Variants in PANK2 observed in about 807,000 individuals in gnomAD.
The protein encoded by PANK2 is pantothenate kinase 2.
A neutral mutation model predicts 43.1 loss-of-function variants in PANK2; 36 were observed. The observed-to-expected ratio is 0.84, with a 90% CI of 0.64 to 1.10. The LOEUF (loss-of-function observed/expected upper bound fraction) is 1.10. Ranked by LOEUF, PANK2 falls within the 50% of genes least tolerant of loss-of-function variation. The pLI, the probability that PANK2 is intolerant of heterozygous loss-of-function variation, is 0.00. For missense variants in PANK2, 576 were observed against 593.3 expected (o/e 0.97, Z 0.30); for synonymous variants, 281 against 238.2 (o/e 1.18, Z -1.66).
chr20:3,895,967 A>G (rs572812916), intron 1 of PANK2, among the ~76,000 whole-genome samples: 1 of 152,304 alleles, frequency 6.6e-6, no homozygotes, highest in South Asian at 2.1e-4. Context: ...AACAGCCTAG[A>G]CATGGATTTG....
At position 3,897,229 on chromosome 20, in the gene PANK2, T is replaced by G. The variant is rs187610632; in HGVS notation, c.298+7501T>G. Among the ~76,000 whole-genome samples the G allele has an allele frequency of 4.7e-3, 719 of 152,338 alleles. 7 individuals are homozygous for G. Among genetic ancestry groups the G allele is most frequent in the Admixed American group, 0.023 (352 of 15,288 alleles). On this transcript the variant is annotated intron_variant, in intron 1 of 6. Transcript: ENST00000610179. ...GGATTTCAGTCGTTGAGACCTATTATGGGACCTTGTGCTTTGCATACGTTT... is the reference window on the plus strand; with the variant it reads ...GGATTTCAGTCGTTGAGACCTATTAGGGGACCTTGTGCTTTGCATACGTTT...
rs542750949 is a variant in PANK2 at position 3,910,494 on chromosome 20, C to T, written c.652-83C>T. On this transcript the variant is annotated intron_variant, in intron 2 of 6. Coordinates refer to ENST00000610179, the MANE Select transcript of PANK2 (RefSeq NM_001386393.1). ...TGAGTGCACTTTCATGGTTGTTTCA[C>T]GTAGTGGGGATGCCTTATTGAATGG... The T allele has an allele frequency of 1.3e-4, 187 of 1,463,958 alleles. 2 individuals are homozygous for T. The South Asian group carries it at 2.0e-3, about 16-fold the overall frequency. The allele number at this position is 1,463,958 out of a possible 1,614,324, so 90.7% of individuals were successfully genotyped here.
At chr20:3,902,795 AT>A (rs1448453465) in intron 1 of PANK2, among the ~76,000 whole-genome samples, 2 of 151,538 alleles carry the variant, frequency 1.3e-5, no homozygotes, top group African/African-American at 4.8e-5. Flanking sequence ...TAATCTTTTA[AT>A]TTTGTTTTCT....
rs2090765751 is a variant in PANK2, at chr20:3,928,673, G to C, written c.*5379G>C. 1 of 145,224 alleles carries C rather than the reference G, an allele frequency of 6.9e-6. No homozygotes were observed. Among genetic ancestry groups the C allele is most frequent in the Non-Finnish European group, 1.5e-5 (1 of 66,776 alleles). 9.0% of individuals were successfully genotyped at this position (145,224 alleles called of 1,614,324 possible). A position where few individuals can be genotyped will look rare whatever the true frequency, so the allele number is the denominator to read the frequency against. On this transcript the variant is annotated 3_prime_UTR_variant, in exon 7 of 7. Transcript: ENST00000610179. ...CGAGGCGGGAGAATGGCGTGAACCT[G>C]GGAGGCGGAGCTTGCAGTGGGCCAA...
upstream of PANK2, chr20:3,889,181 CT>C: frequency 6.2e-7 from 1 of 1,610,206 alleles, no homozygotes; most frequent in Non-Finnish European, 8.5e-7. Context: ...ACCGCCTTCT[CT>C]TCCTCCGCGG....
chr20:3,913,759 T>TGC (rs2090507335), intron 4 of PANK2, among the ~76,000 whole-genome samples: 1 of 130,352 alleles, frequency 7.7e-6, no homozygotes, highest in African/African-American at 2.7e-5. Flanking sequence ...TTTGTATGTA[T>TGC]GCACACACAC....
At chr20:3,889,000 C>T, upstream of PANK2, 2 of 952,632 alleles carry the variant, frequency 2.1e-6, no homozygotes, top group East Asian at 2.7e-5. Context: ...GCTGCGAGGA[C>T]GGCACGGAGC....
chr20:3,901,939 CTT>C (rs1285737256), intron 1 of PANK2, among the ~76,000 whole-genome samples: 2 of 151,906 alleles, frequency 1.3e-5, no homozygotes, highest in Non-Finnish European at 2.9e-5. Context: ...CTGATACTGA[CTT>C]TTATGTGATT....
At chr20:3,912,296 T>G (rs1203415171) in intron 3 of PANK2, among the ~76,000 whole-genome samples, 162 bp from the exon 4 acceptor site, 1 of 152,148 alleles carries the variant, frequency 6.6e-6, no homozygotes, top group Non-Finnish European at 1.5e-5. Context: ...ACCTTAAAGG[T>G]GTATATCAGG....
intron 3 of PANK2, 67 bp downstream of exon 3, chr20:3,910,897 A>C: frequency 1.9e-6 from 3 of 1,563,158 alleles, no homozygotes; most frequent in Non-Finnish European, 2.6e-6. Flanking sequence ...CAGGTATTAC[A>C]TGTAACTACA....
At chr20:3,913,264 A>G (rs1208783320) in intron 4 of PANK2, among the ~76,000 whole-genome samples, 3 of 152,108 alleles carry the variant, frequency 2.0e-5, no homozygotes, top group African/African-American at 7.2e-5. Context: ...ATCTTTTGTG[A>G]TTACTTCTTC....
chr20:3,923,121 G>T, intron 6 of PANK2, 123 bp from the exon 7 acceptor site: 2 of 1,143,126 alleles, frequency 1.7e-6, no homozygotes, highest in African/African-American at 1.5e-5. Context: ...CCCTTCTGGG[G>T]TGCTCAGGAA....
intron 2 of PANK2, 147 bp from the exon 3 acceptor site, chr20:3,910,430 A>G: frequency 3.3e-6 from 3 of 914,700 alleles, no homozygotes; most frequent in Non-Finnish European, 5.1e-6. Context: ...TTTGCTCCTA[A>G]ATCTGTTCTG....
chr20:3,903,006 CACACACACA>C (rs2090327435), intron 1 of PANK2, among the ~76,000 whole-genome samples: 2 of 140,882 alleles, frequency 1.4e-5, no homozygotes, highest in African/African-American at 2.5e-5. Flanking sequence ...CACACACACA[CACACACACA>C]CACCCCTTTT....
Position 3,927,447 on chromosome 20 carries a change from G to A in PANK2, c.*4153G>A, listed in dbSNP as rs2090739760. 2 of 152,226 alleles carry A rather than the reference G, an allele frequency of 1.3e-5. No individual in the cohort carries two copies. Among genetic ancestry groups the A allele is most frequent in the East Asian group, 1.9e-4 (1 of 5,190 alleles). The allele number at this position is 152,226 out of a possible 1,614,324, so 9.4% of individuals were successfully genotyped here. On this transcript the variant is annotated 3_prime_UTR_variant, in exon 7 of 7. Coordinates refer to ENST00000610179, the MANE Select transcript of PANK2 (RefSeq NM_001386393.1). ...AAAAATATAGCTTACAAAAAACTGC[G>A]AATGTTTAAAAATATTCTGCTGCAG...
At position 3,926,354 on chromosome 20, in the gene PANK2, G is replaced by GA. The variant is rs1384583110; in HGVS notation, c.*3061dup. On this transcript the variant is annotated 3_prime_UTR_variant, in exon 7 of 7. Coordinates refer to ENST00000610179, the MANE Select transcript of PANK2 (RefSeq NM_001386393.1). ...GCTGCAAAGAAAACGACTGCTCAGG[G>GA]AGAGGCTGGCCAGGGGCCTGTGGCT... 8 of 152,348 alleles carry GA rather than the reference G, an allele frequency of 5.3e-5. No homozygotes were observed. The highest frequency in any genetic ancestry group is 1.2e-4 in the Non-Finnish European group (8 of 68,176). 9.4% of individuals were successfully genotyped at this position (152,348 alleles called of 1,614,324 possible).
Position 3,918,763 on chromosome 20 carries a change from G to A in PANK2, c.1299G>A (p.Lys433=). 6.2e-7 allele frequency: 1 copy of A among 1,614,246 alleles called. No homozygotes were observed. ...CATATGCTTTGGATTATTGGTCCAA[G>A]GGGCAGTTGAAAGCACTTTTTTCGG... Residue 433 remains lysine, a synonymous_variant, in exon 6 of 7, where the codon AAG becomes AAA. Coordinates refer to ENST00000610179, the MANE Select transcript of PANK2 (RefSeq NM_001386393.1).
chr20:3,908,555 C>A, intron 2 of PANK2: 1 of 433,256 alleles, frequency 2.3e-6, no homozygotes, highest in South Asian at 2.7e-5. Context: ...GAAGAAACTA[C>A]CTAAAAGGAA....
chr20:3,889,793 T>A (rs1600478553), intron 1 of PANK2, 65 bp downstream of exon 1: 3 of 1,398,660 alleles, frequency 2.1e-6, no homozygotes, highest in Non-Finnish European at 2.8e-6. Flanking sequence ...CCCTGTCCCC[T>A]TCCGGCCCCG....
Sources: allele counts gnomAD v4.1 joint callset (sites outside exome capture counted in the v4.1 genomes callset), GRCh38; gene constraint gnomAD v4.1.1; transcripts MANE v1.5; gene names NCBI Gene and HGNC (gene_info 2026-07-23, HGNC 2026-07-21).